PALS2: variants seen among roughly 807,000 people sequenced by gnomAD.
The protein encoded by PALS2 is protein associated with LIN7 2, MAGUK p55 family member, also known as protein PALS2.
In PALS2, 27 loss-of-function variants were observed where a neutral mutation model predicts 61.6. The ratio of observed to expected loss-of-function variants is 0.44; its 90% CI spans 0.32 to 0.60. The LOEUF (loss-of-function observed/expected upper bound fraction) is 0.60, where lower values mean the gene tolerates loss of function less well. PALS2 is among the 20% of genes least tolerant of loss of function. PALS2 has a pLI of 0.05. For missense variants in PALS2, 554 were observed against 639.4 expected (o/e 0.87, Z 1.44); for synonymous variants, 236 against 218.6 (o/e 1.08, Z -0.70).
intron 1 of PALS2, among the ~76,000 whole-genome samples, chr7:24,598,214 A>G (rs575087176): frequency 2.0e-5 from 3 of 152,232 alleles, no homozygotes; most frequent in Non-Finnish European, 4.4e-5. Flanking sequence ...GAAAATTATC[A>G]TTATAGAAAA....
chr7:24,576,623 CT>C (rs1782652056), intron 1 of PALS2, among the ~76,000 whole-genome samples: 1 of 152,168 alleles, frequency 6.6e-6, no homozygotes, highest in African/African-American at 2.4e-5. Context: ...TACATTATAG[CT>C]TTCAAAGATC....
rs983305878 is a variant in PALS2, at chr7:24,691,245, C to G, written c.*3631C>G. On this transcript the variant is annotated 3_prime_UTR_variant, in exon 12 of 12. Coordinates refer to ENST00000222644, the MANE Select transcript of PALS2 (RefSeq NM_001303037.2). ...TACTTTTGTAACTTCTGAAACAGTA[C>G]TCCATTATCCAGAAATCACAGGCTA... 1.3e-5 allele frequency: 2 copies of G among 151,476 alleles called. No homozygotes were observed. The highest frequency in any genetic ancestry group is 2.1e-4 in the South Asian group (1 of 4,800). 9.4% of individuals were successfully genotyped at this position (151,476 alleles called of 1,614,324 possible). A position where few individuals can be genotyped will look rare whatever the true frequency, so the allele number is the denominator to read the frequency against.
At chr7:24,590,877 T>C (rs1783259607) in intron 1 of PALS2, among the ~76,000 whole-genome samples, 1 of 150,886 alleles carries the variant, frequency 6.6e-6, no homozygotes. Flanking sequence ...ATGTTTTCAG[T>C]ATTTTATTTT....
At chr7:24,624,106 G>A (rs1784636373) in intron 2 of PALS2, 1 of 1,315,858 alleles carries the variant, frequency 7.6e-7, no homozygotes. Context: ...TTCAACAATG[G>A]CAAAGTACTG....
intron 1 of PALS2, among the ~76,000 whole-genome samples, chr7:24,581,244 CGTGTGTGTGTGTGTGTGTGTGTGT>C (rs55768123): frequency 2.5e-4 from 36 of 143,132 alleles, no homozygotes; most frequent in African/African-American, 8.8e-4. Context: ...CATTTCCCCA[CGTGTGTGTGTGTGTGTGTGTGTGT>C]GTGTGTGTGT....
chr7:24,685,479 G>A (rs1788146571), intron 11 of PALS2, among the ~76,000 whole-genome samples: 1 of 151,982 alleles, frequency 6.6e-6, no homozygotes, highest in African/African-American at 2.4e-5. Flanking sequence ...ATAAGCAAGT[G>A]TGCCTGTGTC....
chr7:24,633,811 A>G (rs993043237), intron 2 of PALS2, among the ~76,000 whole-genome samples: 2 of 152,188 alleles, frequency 1.3e-5, no homozygotes, highest in African/African-American at 4.8e-5. Context: ...TGTTATCCAT[A>G]GTAGCTGTAC....
intron 1 of PALS2, chr7:24,597,127 G>C (rs1191264404): frequency 6.6e-6 from 1 of 152,098 alleles, no homozygotes; most frequent in African/African-American, 2.4e-5. Flanking sequence ...TTTCAAAATG[G>C]TAAATTAAAG....
rs189313745 is a variant in PALS2 at position 24,677,142 on chromosome 7, G to A, written c.1115-1989G>A. Among the ~76,000 whole-genome samples, 282 of 152,218 alleles carry A rather than the reference G, an allele frequency of 1.9e-3. 1 individual carries two copies. Among genetic ancestry groups the A allele is most frequent in the Non-Finnish European group, 3.3e-3 (224 of 68,022 alleles). On this transcript the variant is annotated intron_variant, in intron 9 of 11. Coordinates refer to ENST00000222644, the MANE Select transcript of PALS2 (RefSeq NM_001303037.2). ...TATTTTATTCCTTTGAAGCAATTGTGAATGGGAGTTCACTCATGATTTGGC... is the reference window on the plus strand; with the variant it reads ...TATTTTATTCCTTTGAAGCAATTGTAAATGGGAGTTCACTCATGATTTGGC...
Position 24,688,201 on chromosome 7 carries a change from C to G in PALS2, c.*587C>G, listed in dbSNP as rs1476183790. 1 of 152,204 alleles carries G rather than the reference C, an allele frequency of 6.6e-6. No homozygotes were observed. Among genetic ancestry groups the G allele is most frequent in the East Asian group, 1.9e-4 (1 of 5,200 alleles). 9.4% of individuals were successfully genotyped at this position (152,204 alleles called of 1,614,324 possible). A position where few individuals can be genotyped will look rare whatever the true frequency, so the allele number is the denominator to read the frequency against. On this transcript the variant is annotated 3_prime_UTR_variant, in exon 12 of 12. Transcript: ENST00000222644. ...TTTTCATTATTTCGGAGATGTATGG[C>G]TATCCATTCTAATTTATACAGCTAT...
intron 2 of PALS2, among the ~76,000 whole-genome samples, chr7:24,634,054 C>A (rs1304363702): frequency 6.6e-6 from 1 of 151,800 alleles, no homozygotes; most frequent in South Asian, 2.1e-4. Context: ...GATTCTTTGC[C>A]CATGTTTAAA....
intron 2 of PALS2, 183 bp downstream of exon 2, chr7:24,623,967 C>T: frequency 9.4e-7 from 1 of 1,064,264 alleles, no homozygotes; most frequent in Non-Finnish European, 1.4e-6. Flanking sequence ...CTCTTTTCTA[C>T]TCTGACTTTA....
At chr7:24,625,623 A>G (rs1283705052) in intron 2 of PALS2, among the ~76,000 whole-genome samples, 1 of 152,188 alleles carries the variant, frequency 6.6e-6, no homozygotes, top group African/African-American at 2.4e-5. Flanking sequence ...GCTTATTCTT[A>G]AAAACTGGTG....
chr7:24,602,912 A>G (rs899658319), intron 1 of PALS2, among the ~76,000 whole-genome samples: 1 of 152,092 alleles, frequency 6.6e-6, no homozygotes, highest in Non-Finnish European at 1.5e-5. Context: ...AGCATCTGGT[A>G]TTTTCCCTGC....
intron 2 of PALS2, among the ~76,000 whole-genome samples, chr7:24,634,018 A>G (rs1340646800): frequency 2.0e-5 from 3 of 152,160 alleles, no homozygotes; most frequent in Non-Finnish European, 4.4e-5. Context: ...CCATTTGTAC[A>G]TATTTTTTGG....
intron 11 of PALS2, among the ~76,000 whole-genome samples, chr7:24,682,769 C>T (rs1023696275): frequency 6.6e-6 from 1 of 152,132 alleles, no homozygotes; most frequent in Non-Finnish European, 1.5e-5. Context: ...TCTCTTTTCA[C>T]ATTGTACTTT....
At chr7:24,575,444 G>A (rs1782608230) in intron 1 of PALS2, among the ~76,000 whole-genome samples, 1 of 152,096 alleles carries the variant, frequency 6.6e-6, no homozygotes, top group Admixed American at 6.6e-5. Context: ...ATTTTAGGCT[G>A]AAATTGTTCC....
intron 5 of PALS2, among the ~76,000 whole-genome samples, chr7:24,660,492 C>G (rs1786660320): frequency 6.6e-6 from 1 of 151,968 alleles, no homozygotes; most frequent in Non-Finnish European, 1.5e-5. Flanking sequence ...TTTCACTTAA[C>G]CATCTGTCTT....
chr7:24,661,974 GT>G (rs919409342), intron 5 of PALS2, among the ~76,000 whole-genome samples: 2 of 151,890 alleles, frequency 1.3e-5, no homozygotes, highest in African/African-American at 2.4e-5. Context: ...AATTATTTTG[GT>G]TTTTTCCCGT....
Sources: allele counts gnomAD v4.1 joint callset (sites outside exome capture counted in the v4.1 genomes callset), GRCh38; gene constraint gnomAD v4.1.1; transcripts MANE v1.5; gene names NCBI Gene and HGNC (gene_info 2026-07-23, HGNC 2026-07-21).